Variants in SLC25A26 observed in about 807,000 individuals in gnomAD.
SLC25A26 encodes the protein solute carrier family 25 member 26.
A neutral mutation model predicts 37.8 loss-of-function variants in SLC25A26; 36 were observed. That is an observed-to-expected ratio of 0.95 (90% CI 0.73 to 1.26). The LOEUF (loss-of-function observed/expected upper bound fraction) is 1.26. Among genes scored for constraint, SLC25A26 ranks in the 50% most tolerant of loss-of-function variants. SLC25A26 has a pLI of 0.00. For missense variants in SLC25A26, 390 were observed against 331.1 expected (o/e 1.18, Z -1.38); for synonymous variants, 129 against 122.5 (o/e 1.05, Z -0.35).
intron 5 of SLC25A26, among the ~76,000 whole-genome samples, chr3:66,285,366 A>G (rs1245568466): frequency 6.6e-6 from 1 of 151,504 alleles, no homozygotes; most frequent in African/African-American, 2.4e-5. Context: ...TATCAAAGGC[A>G]CTTACTGAGG....
chr3:66,155,916 C>T (rs993588759), intron 1 of SLC25A26, among the ~76,000 whole-genome samples: 7 of 152,210 alleles, frequency 4.6e-5, no homozygotes, highest in African/African-American at 1.4e-4. Context: ...TCCACTCTCT[C>T]ATTTTAAGCA....
chr3:66,289,171 GTTGT>G (rs2074618011), intron 5 of SLC25A26, among the ~76,000 whole-genome samples: 1 of 152,206 alleles, frequency 6.6e-6, no homozygotes, highest in South Asian at 2.1e-4. Flanking sequence ...TTTTGATGGG[GTTGT>G]TTGTTTTTTT....
At chr3:66,352,888 T>G (rs938830606) in intron 6 of SLC25A26, among the ~76,000 whole-genome samples, 1 of 152,196 alleles carries the variant, frequency 6.6e-6, no homozygotes, top group Non-Finnish European at 1.5e-5. Flanking sequence ...AGTAGGACTT[T>G]CCCCTCCTCC....
At chr3:66,294,894 T>G (rs2074845198) in intron 5 of SLC25A26, among the ~76,000 whole-genome samples, 1 of 152,222 alleles carries the variant, frequency 6.6e-6, no homozygotes, top group South Asian at 2.1e-4. Flanking sequence ...GGCTCTTAGT[T>G]GTAGGATTAC....
intron 1 of SLC25A26, among the ~76,000 whole-genome samples, chr3:66,139,655 A>C (rs868714317): frequency 1.9e-4 from 29 of 152,230 alleles, no homozygotes; most frequent in Non-Finnish European, 2.2e-4. Context: ...AACTTAGATA[A>C]GCAGTACAGA....
At chr3:66,328,361 G>C (rs145767790) in intron 5 of SLC25A26, among the ~76,000 whole-genome samples, 14 of 152,308 alleles carry the variant, frequency 9.2e-5, no homozygotes, top group Middle Eastern at 3.4e-3. Flanking sequence ...CACTCCTCAC[G>C]TGAATCAGTG....
At chr3:66,314,771 T>G (rs2075484532) in intron 5 of SLC25A26, among the ~76,000 whole-genome samples, 1 of 151,802 alleles carries the variant, frequency 6.6e-6, no homozygotes, top group South Asian at 2.1e-4. Flanking sequence ...GTTTTTTTTT[T>G]TAGTTATTTA....
chr3:66,231,676 T>A (rs2072038508), intron 1 of SLC25A26, among the ~76,000 whole-genome samples: 1 of 152,146 alleles, frequency 6.6e-6, no homozygotes, highest in South Asian at 2.1e-4. Context: ...AAAGATGGGA[T>A]TATATAGCAT....
chr3:66,315,183 C>G (rs2075502296), intron 5 of SLC25A26, among the ~76,000 whole-genome samples: 1 of 147,086 alleles, frequency 6.8e-6, no homozygotes, highest in African/African-American at 2.5e-5. Flanking sequence ...TTTGTTTACT[C>G]TCAGTTCTCT....
intron 1 of SLC25A26, among the ~76,000 whole-genome samples, chr3:66,209,788 T>G (rs900110997): frequency 0.1 from 13,856 of 133,038 alleles, 930 homozygotes; most frequent in East Asian, 0.26. Flanking sequence ...GGTATATATA[T>G]ATATACACAC....
intron 1 of SLC25A26, among the ~76,000 whole-genome samples, chr3:66,230,090 A>T (rs373723179): frequency 1.3e-5 from 2 of 152,300 alleles, no homozygotes; most frequent in African/African-American, 4.8e-5. Context: ...TTTTCTGAAC[A>T]TTTCCTCTTT....
intron 9 of SLC25A26, among the ~76,000 whole-genome samples, chr3:66,373,162 T>G (rs1700445246): frequency 6.6e-6 from 1 of 152,158 alleles, no homozygotes; most frequent in Admixed American, 6.5e-5. Context: ...CAGCTGGCTT[T>G]CTGTTTTTGT....
intron 1 of SLC25A26, among the ~76,000 whole-genome samples, chr3:66,178,632 G>A (rs990038070): frequency 1.3e-5 from 2 of 152,064 alleles, no homozygotes; most frequent in African/African-American, 4.8e-5. Context: ...AGACATCGAG[G>A]GAGTAGCATT....
chr3:66,334,408 G>C (rs1469008667), intron 5 of SLC25A26, among the ~76,000 whole-genome samples: 1 of 152,072 alleles, frequency 6.6e-6, no homozygotes. Flanking sequence ...TCCATCTCCT[G>C]GGTTCCAGTG....
chr3:66,228,099 C>G (rs2071840589), intron 1 of SLC25A26, among the ~76,000 whole-genome samples: 1 of 152,090 alleles, frequency 6.6e-6, no homozygotes, highest in Non-Finnish European at 1.5e-5. Flanking sequence ...TCCCTTTTTG[C>G]TTGCTTTTGT....
At chr3:66,171,473 A>C (rs1404302424) in intron 1 of SLC25A26, among the ~76,000 whole-genome samples, 6 of 152,114 alleles carry the variant, frequency 3.9e-5, no homozygotes, top group African/African-American at 1.4e-4. Flanking sequence ...ATTGCTTGCA[A>C]TGAAGGACCC....
intron 5 of SLC25A26, among the ~76,000 whole-genome samples, chr3:66,272,136 G>A (rs2073981626): frequency 6.6e-6 from 1 of 152,104 alleles, no homozygotes; most frequent in Non-Finnish European, 1.5e-5. Context: ...TCCAGTCACT[G>A]TGCTAAGTTG....
At chr3:66,208,048 AT>A (rs2071203571) in intron 1 of SLC25A26, among the ~76,000 whole-genome samples, 3 of 152,214 alleles carry the variant, frequency 2.0e-5, no homozygotes, top group Non-Finnish European at 1.5e-5. Flanking sequence ...AAAAGACTTT[AT>A]ATAGTTAAAT....
chr3:66,183,608 C>T (rs1397368742), intron 1 of SLC25A26, among the ~76,000 whole-genome samples: 2 of 151,964 alleles, frequency 1.3e-5, no homozygotes, highest in Non-Finnish European at 2.9e-5. Context: ...GACCTTAATC[C>T]TCACCATGAC....
Sources: allele counts gnomAD v4.1 joint callset (sites outside exome capture counted in the v4.1 genomes callset), GRCh38; gene constraint gnomAD v4.1.1; transcripts MANE v1.5; gene names NCBI Gene and HGNC (gene_info 2026-07-23, HGNC 2026-07-21).